The following FSTL5 variants were observed in gnomAD, a reference collection of about 807,000 sequenced individuals.
FSTL5 encodes follistatin-related protein 5.
In FSTL5, 62 loss-of-function variants were observed where a neutral mutation model predicts 89.1. That is an observed-to-expected ratio of 0.70 (90% CI 0.57 to 0.86). FSTL5 has a LOEUF of 0.86. Among genes scored for constraint, FSTL5 ranks in the 40% least tolerant of loss-of-function variants. The probability of loss-of-function intolerance (pLI) is 0.00; values close to 1 mark genes in which losing one functional copy is unlikely to be tolerated. For synonymous variants in FSTL5, 383 were observed against 346.2 expected, an observed-to-expected ratio of 1.11 and a Z score of -1.18; for missense variants, 1,057 against 1,001.6, an observed-to-expected ratio of 1.06 and a Z score of -0.75.
intron 3 of FSTL5, among the ~76,000 whole-genome samples, chr4:162,000,128 T>G (rs541459134): frequency 1.1e-4 from 16 of 152,312 alleles, no homozygotes; most frequent in African/African-American, 3.8e-4. Flanking sequence ...AAAAACTCTG[T>G]GCTTACACTC....
Position 162,071,086 on chromosome 4 carries a change from C to CAATTTTAAAT in FSTL5, c.127-37429_127-37428insATTTAAAATT, listed in dbSNP as rs1729601298. On this transcript the variant is annotated intron_variant, in intron 2 of 15. Coordinates refer to ENST00000306100, the MANE Select transcript of FSTL5 (RefSeq NM_020116.5). ...AGAGAGAAACAAAGGCTGTATGAAA[C>CAATTTTAAAT]AACCAGAAAACAATTAACAGAATGA... Among the ~76,000 whole-genome samples the CAATTTTAAAT allele has an allele frequency of 2.0e-5, 3 of 151,630 alleles. No individual in the cohort carries two copies. In the Admixed American group the frequency reaches 2.0e-4, roughly 10 times the overall value.
chr4:161,898,630 C>CTTTTTTTT (rs773799106), intron 4 of FSTL5, among the ~76,000 whole-genome samples: 1 of 128,270 alleles, frequency 7.8e-6, no homozygotes, highest in Non-Finnish European at 1.6e-5. Context: ...GTATTATATT[C>CTTTTTTTT]TTTTTTTTTT....
intron 15 of FSTL5, among the ~76,000 whole-genome samples, chr4:161,429,576 T>C (rs1732282058): frequency 6.6e-6 from 1 of 152,202 alleles, no homozygotes; most frequent in Non-Finnish European, 1.5e-5. Context: ...AGTAATCAGA[T>C]AATTCTTCAG....
At chr4:161,388,624 C>G (rs559542963) in intron 15 of FSTL5, among the ~76,000 whole-genome samples, 1 of 152,102 alleles carries the variant, frequency 6.6e-6, no homozygotes, top group South Asian at 2.1e-4. Context: ...AATATATTGG[C>G]ATTATTTGCA....
intron 1 of FSTL5, among the ~76,000 whole-genome samples, chr4:162,158,255 T>C (rs1303642415): frequency 6.6e-6 from 1 of 152,100 alleles, no homozygotes; most frequent in Non-Finnish European, 1.5e-5. Context: ...TTATCTACTC[T>C]ATTCTGTTGT....
At chr4:161,959,352 G>T (rs1307138306) in intron 3 of FSTL5, among the ~76,000 whole-genome samples, 1 of 151,870 alleles carries the variant, frequency 6.6e-6, no homozygotes, top group Non-Finnish European at 1.5e-5. Context: ...CTAATTTTAG[G>T]ATGTTATTTT....
At chr4:161,608,247 G>C (rs896960658) in intron 7 of FSTL5, among the ~76,000 whole-genome samples, 2 of 152,072 alleles carry the variant, frequency 1.3e-5, no homozygotes, top group Non-Finnish European at 2.9e-5. Flanking sequence ...TTGTATATCA[G>C]CACATCTAAT....
intron 2 of FSTL5, among the ~76,000 whole-genome samples, chr4:162,058,196 C>T (rs932047414): frequency 6.6e-6 from 1 of 151,768 alleles, no homozygotes; most frequent in African/African-American, 2.4e-5. Flanking sequence ...AGGAGGAATC[C>T]AAATGATCTG....
At chr4:162,093,095 G>GAAAAGT (rs1730614039) in intron 2 of FSTL5, among the ~76,000 whole-genome samples, 1 of 151,460 alleles carries the variant, frequency 6.6e-6, no homozygotes, top group East Asian at 1.9e-4. Flanking sequence ...AAAATTACAA[G>GAAAAGT]AAAAGTACAG....
intron 6 of FSTL5, among the ~76,000 whole-genome samples, chr4:161,737,130 C>T (rs1739846833): frequency 1.3e-5 from 2 of 152,090 alleles, no homozygotes; most frequent in African/African-American, 4.8e-5. Context: ...TTTAGCTTTG[C>T]TTTATGAGAA....
intron 3 of FSTL5, among the ~76,000 whole-genome samples, chr4:161,938,099 C>A (rs998915686): frequency 6.6e-6 from 1 of 152,076 alleles, no homozygotes; most frequent in Non-Finnish European, 1.5e-5. Context: ...TCACCACCAC[C>A]ATTCATCAAT....
rs369569563 is a variant in FSTL5 at position 161,645,729 on chromosome 4, T to C, written c.894+10599A>G. ...TTATATTTGTGACAGAAATCCAACT[T>C]CCTCAGCTATGCCAATGCTCCCTGC... On this transcript the variant is annotated intron_variant, in intron 7 of 15. Transcript: ENST00000306100. 2.2e-4 allele frequency among the ~76,000 whole-genome samples: 33 copies of C among 152,242 alleles called. 1 individual carries two copies. The South Asian group carries it at 5.2e-3, about 24-fold the overall frequency.
chr4:161,464,208 T>C (rs561040203), intron 13 of FSTL5, among the ~76,000 whole-genome samples: 76 of 152,260 alleles, frequency 5.0e-4, no homozygotes, highest in African/African-American at 1.8e-3. Flanking sequence ...TCCCCAGTCT[T>C]CTCTAGCCTT....
chr4:161,834,453 G>A (rs1411569908), intron 4 of FSTL5, among the ~76,000 whole-genome samples: 1 of 152,098 alleles, frequency 6.6e-6, no homozygotes, highest in African/African-American at 2.4e-5. Flanking sequence ...TCTGGCCAGG[G>A]CGATTAGGCA....
chr4:161,533,357 C>T (rs1015948944), intron 10 of FSTL5, among the ~76,000 whole-genome samples: 1 of 151,802 alleles, frequency 6.6e-6, no homozygotes, highest in South Asian at 2.1e-4. Context: ...AAGAGAAGAT[C>T]CAAGTGAGTT....
At chr4:161,676,490 C>A (rs577506367) in intron 6 of FSTL5, among the ~76,000 whole-genome samples, 1 of 151,852 alleles carries the variant, frequency 6.6e-6, no homozygotes. Flanking sequence ...ACATCACACA[C>A]CGGGGCCTGT....
At chr4:161,444,214 C>T (rs1732870363) in intron 15 of FSTL5, among the ~76,000 whole-genome samples, 2 of 151,810 alleles carry the variant, frequency 1.3e-5, no homozygotes, top group Admixed American at 1.3e-4. Flanking sequence ...GGGGCCTCAG[C>T]TTAGGGCTGT....
intron 6 of FSTL5, among the ~76,000 whole-genome samples, chr4:161,695,275 TTA>T: frequency 6.6e-6 from 1 of 152,078 alleles, no homozygotes; most frequent in Non-Finnish European, 1.5e-5. Context: ...TCCTCATAGC[TTA>T]GCTCCCACTT....
chr4:162,039,075 T>C (rs976607229), intron 2 of FSTL5, among the ~76,000 whole-genome samples: 1 of 151,870 alleles, frequency 6.6e-6, no homozygotes, highest in Non-Finnish European at 1.5e-5. Flanking sequence ...TAATACAGAC[T>C]TCCTTTCACA....
Sources: allele counts gnomAD v4.1 joint callset (sites outside exome capture counted in the v4.1 genomes callset), GRCh38; gene constraint gnomAD v4.1.1; transcripts MANE v1.5; gene names NCBI Gene and HGNC (gene_info 2026-07-23, HGNC 2026-07-21).